CACNA2D1: variants seen among roughly 807,000 people sequenced by gnomAD.
CACNA2D1 encodes voltage-dependent calcium channel subunit alpha-2/delta-1.
In CACNA2D1, 53 loss-of-function variants were observed where a neutral mutation model predicts 171.5. The ratio of observed to expected loss-of-function variants is 0.31; its 90% CI spans 0.25 to 0.39. The LOEUF is 0.39. Ranked by LOEUF, CACNA2D1 falls within the 10% of genes least tolerant of loss-of-function variation. The pLI is 1.00. For synonymous variants in CACNA2D1, 442 were observed against 443.1 expected (o/e 1.00, Z 0.03); for missense variants, 903 against 1,299.8 (o/e 0.69, Z 4.69).
chr7:81,990,925 A>G (rs965837413), intron 21 of CACNA2D1, among the ~76,000 whole-genome samples: 1 of 152,202 alleles, frequency 6.6e-6, no homozygotes, highest in Non-Finnish European at 1.5e-5. Context: ...TGAACCCTAC[A>G]TATTATTATG....
rs1230611526 is a variant in CACNA2D1 at position 81,950,521 on chromosome 7, A to T, written c.3160-13T>A. ...CAGTATAATCCTCCTGTTGTTAAAA[A>T]AAAAAGAAAAGAACAGAAAAAGAAA... is the stretch of plus-strand genomic sequence containing the variant. On this transcript the variant is annotated splice_polypyrimidine_tract_variant and intron_variant, in intron 38 of 38. Coordinates refer to ENST00000356860, the MANE Select transcript of CACNA2D1 (RefSeq NM_000722.4). 6.2e-7 allele frequency: 1 copy of T among 1,603,982 alleles called. No individual in the cohort carries two copies. Among genetic ancestry groups the T allele is most frequent in the Non-Finnish European group, 8.5e-7 (1 of 1,175,532 alleles).
At chr7:82,126,322 A>G (rs945352795) in intron 5 of CACNA2D1, among the ~76,000 whole-genome samples, 2 of 152,196 alleles carry the variant, frequency 1.3e-5, no homozygotes, top group African/African-American at 4.8e-5. Context: ...ACAAAAATAG[A>G]GTTTCATGTA....
intron 6 of CACNA2D1, among the ~76,000 whole-genome samples, chr7:82,115,527 A>ACACACACAC (rs1563071356): frequency 6.6e-6 from 1 of 151,642 alleles, no homozygotes; most frequent in African/African-American, 2.4e-5. Flanking sequence ...CTATATCTAT[A>ACACACACAC]CACACACACA....
chr7:82,325,283 G>T (rs1816506471), intron 3 of CACNA2D1, among the ~76,000 whole-genome samples: 1 of 152,082 alleles, frequency 6.6e-6, no homozygotes, highest in Admixed American at 6.5e-5. Context: ...CAATCCACTG[G>T]GCAACCATTC....
chr7:82,406,463 G>A (rs1042150869), intron 1 of CACNA2D1, among the ~76,000 whole-genome samples: 1 of 152,118 alleles, frequency 6.6e-6, no homozygotes, highest in African/African-American at 2.4e-5. Flanking sequence ...CTGAGGAATC[G>A]CCACACTGTC....
intron 1 of CACNA2D1, among the ~76,000 whole-genome samples, chr7:82,371,521 G>A (rs1263191279): frequency 6.6e-6 from 1 of 152,164 alleles, no homozygotes; most frequent in East Asian, 1.9e-4. Flanking sequence ...CTAAGAGTTC[G>A]AGCTTAAGGC....
At chr7:82,258,588 A>G (rs1806593875) in intron 3 of CACNA2D1, among the ~76,000 whole-genome samples, 1 of 152,334 alleles carries the variant, frequency 6.6e-6, no homozygotes, top group Admixed American at 6.5e-5. Context: ...AACCTTGAGC[A>G]TCACTCTAAA....
In CACNA2D1 at chr7:82,222,942, T is replaced by C. The variant is rs1337900472; in HGVS notation, c.295-52333A>G. Among the ~76,000 whole-genome samples, 10 of 151,266 alleles carry C rather than the reference T, an allele frequency of 6.6e-5. No individual in the cohort carries two copies. The East Asian group carries it at 1.9e-3, about 29-fold the overall frequency. On this transcript the variant is annotated intron_variant, in intron 3 of 38. Transcript: ENST00000356860. Reference sequence around the variant, plus strand: ...TTTGTTTGTTTGTTTGAGATGTAGTTTCACTCTATTGCCCAGGCTGGAGTG... The same window carrying C: ...TTTGTTTGTTTGTTTGAGATGTAGTCTCACTCTATTGCCCAGGCTGGAGTG...
chr7:82,178,122 C>A (rs1368380745), intron 3 of CACNA2D1, among the ~76,000 whole-genome samples: 1 of 152,060 alleles, frequency 6.6e-6, no homozygotes, highest in East Asian at 1.9e-4. Context: ...GAAATAAAGC[C>A]AGTCATTTAT....
In CACNA2D1 at chr7:81,950,365, A is replaced by C; in HGVS notation, c.*27T>G. On this transcript the variant is annotated 3_prime_UTR_variant, in exon 39 of 39. Transcript: ENST00000356860. The stretch of plus-strand genomic sequence containing the variant: ...CATGTTTTGGCAGGGTCTGGAGTTT[A>C]ACTATGCAGATTTGGTTTTTAGAAG... 1 of 1,613,000 alleles carries C rather than the reference A, an allele frequency of 6.2e-7. No homozygotes were observed. The highest frequency in any genetic ancestry group is 1.1e-5 in the South Asian group (1 of 91,068).
At chr7:82,152,287 G>C (rs1217055270) in intron 4 of CACNA2D1, among the ~76,000 whole-genome samples, 2 of 98,986 alleles carry the variant, frequency 2.0e-5, no homozygotes, top group Non-Finnish European at 3.7e-5. Flanking sequence ...AAATAAATTA[G>C]ATCTTAATAT....
intron 1 of CACNA2D1, among the ~76,000 whole-genome samples, chr7:82,386,771 TAAATAAATA>T (rs1824452354): frequency 6.8e-6 from 1 of 146,668 alleles, no homozygotes; most frequent in African/African-American, 2.6e-5. Context: ...AATAAATAAA[TAAATAAATA>T]AAATAACTAA....
intron 3 of CACNA2D1, among the ~76,000 whole-genome samples, chr7:82,223,448 G>A (rs1802008689): frequency 6.6e-6 from 1 of 152,134 alleles, no homozygotes; most frequent in Non-Finnish European, 1.5e-5. Flanking sequence ...TCCTAGCAAA[G>A]CGATTGACAT....
At chr7:81,959,679 G>T in intron 37 of CACNA2D1, 41 bp downstream of exon 37, 1 of 1,579,828 alleles carries the variant, frequency 6.3e-7, no homozygotes, top group Non-Finnish European at 8.7e-7. Flanking sequence ...AATGCATTAA[G>T]ATGGTTTTCC....
chr7:81,957,301 C>G (rs1161270094), intron 38 of CACNA2D1, among the ~76,000 whole-genome samples: 1 of 151,966 alleles, frequency 6.6e-6, no homozygotes, highest in Non-Finnish European at 1.5e-5. Context: ...AATGTACATG[C>G]CATTTGAAAT....
rs548078583 is a variant in CACNA2D1 at position 81,983,301 on chromosome 7, A to C, written c.1894+13T>G. ...CTAAACAGAAAGAAGTTGAGCAACA[A>C]GAAAATACTTGCCCTTCATTTTGCC... is the stretch of plus-strand genomic sequence containing the variant. On this transcript the variant is annotated intron_variant, in intron 23 of 38. Transcript: ENST00000356860. The C allele has an allele frequency of 6.2e-7, 1 of 1,607,188 alleles. No homozygotes were observed. The highest frequency in any genetic ancestry group is 1.3e-5 in the African/African-American group (1 of 74,880).
At chr7:82,005,265 A>G (rs1799003271) in intron 18 of CACNA2D1, 158 bp downstream of exon 18, 2 of 632,450 alleles carry the variant, frequency 3.2e-6, no homozygotes, top group Admixed American at 2.8e-5. Flanking sequence ...TTCATATAGT[A>G]TCATGTGTGG....
Position 82,349,551 on chromosome 7 carries a change from T to G in CACNA2D1, c.177+17A>C. On this transcript the variant is annotated intron_variant, in intron 2 of 38. Transcript: ENST00000356860. Reference sequence around the variant, plus strand: ...TAATGAAAAGATTAAGAAATCTCTTTGGTGGATTTTACTCACATCAACAAG... The same window carrying G: ...TAATGAAAAGATTAAGAAATCTCTTGGGTGGATTTTACTCACATCAACAAG... 1 of 1,595,388 alleles carries G rather than the reference T, an allele frequency of 6.3e-7. No individual in the cohort carries two copies.
At chr7:82,080,963 C>T (rs531046193) in intron 7 of CACNA2D1, among the ~76,000 whole-genome samples, 1 of 152,286 alleles carries the variant, frequency 6.6e-6, no homozygotes, top group South Asian at 2.1e-4. Context: ...CATATTATCT[C>T]ATTGATCACA....
Sources: allele counts gnomAD v4.1 joint callset (sites outside exome capture counted in the v4.1 genomes callset), GRCh38; gene constraint gnomAD v4.1.1; transcripts MANE v1.5; gene names NCBI Gene and HGNC (gene_info 2026-07-23, HGNC 2026-07-21).